Variants in EPHA6 observed in about 807,000 individuals in gnomAD.
EPHA6 encodes the protein ephrin type-A receptor 6.
A neutral mutation model predicts 112.0 loss-of-function variants in EPHA6; 50 were observed. That is an observed-to-expected ratio of 0.45 (90% CI 0.36 to 0.56). The LOEUF (loss-of-function observed/expected upper bound fraction) is 0.56, where lower values mean the gene tolerates loss of function less well. Among genes scored for constraint, EPHA6 ranks in the 20% least tolerant of loss-of-function variants. The pLI, the probability that EPHA6 is intolerant of heterozygous loss-of-function variation, is 0.00. For missense variants in EPHA6, 1,280 were observed against 1,417.4 expected (o/e 0.90, Z 1.56); for synonymous variants, 529 against 490.7 (o/e 1.08, Z -1.03).
intron 5 of EPHA6, among the ~76,000 whole-genome samples, chr3:97,356,066 G>A (rs777807508): frequency 2.0e-5 from 3 of 152,196 alleles, no homozygotes; most frequent in Admixed American, 6.5e-5. Context: ...ATTTACAGCT[G>A]CTCCCCATCA....
At chr3:97,167,158 A>G (rs188878160) in intron 3 of EPHA6, among the ~76,000 whole-genome samples, 25 of 152,304 alleles carry the variant, frequency 1.6e-4, no homozygotes, top group Middle Eastern at 3.4e-3. Flanking sequence ...GCAATACAGT[A>G]TATTATCTGT....
intron 14 of EPHA6, among the ~76,000 whole-genome samples, chr3:97,675,329 A>T (rs529604332): frequency 6.6e-6 from 1 of 151,960 alleles, no homozygotes; most frequent in African/African-American, 2.4e-5. Flanking sequence ...AAATACAAAA[A>T]ATTAGCCAGG....
intron 2 of EPHA6, among the ~76,000 whole-genome samples, chr3:96,890,732 G>C (rs2037906737): frequency 1.3e-5 from 2 of 152,194 alleles, no homozygotes; most frequent in South Asian, 4.1e-4. Context: ...CCACTAGTGA[G>C]TGTGAAAATT....
chr3:97,684,432 A>G (rs1454463321), intron 14 of EPHA6, among the ~76,000 whole-genome samples: 1 of 152,182 alleles, frequency 6.6e-6, no homozygotes, highest in Admixed American at 6.6e-5. Context: ...TGCTGACTCT[A>G]TGCTGATTGA....
At chr3:96,829,166 A>G (rs943454266) in intron 1 of EPHA6, among the ~76,000 whole-genome samples, 6 of 152,178 alleles carry the variant, frequency 3.9e-5, no homozygotes, top group African/African-American at 1.4e-4. Flanking sequence ...CTGTTTATCA[A>G]GAACTTTTGC....
At chr3:97,453,058 GT>G (rs1300204967) in intron 7 of EPHA6, among the ~76,000 whole-genome samples, 3 of 151,636 alleles carry the variant, frequency 2.0e-5, no homozygotes, top group African/African-American at 7.2e-5. Context: ...TAAAATTTTT[GT>G]TTTTATTTAA....
intron 14 of EPHA6, among the ~76,000 whole-genome samples, chr3:97,663,968 C>A (rs1266419828): frequency 6.6e-6 from 1 of 152,164 alleles, no homozygotes; most frequent in African/African-American, 2.4e-5. Flanking sequence ...AAAAGTGTTC[C>A]TATTTCTCCA....
intron 1 of EPHA6, among the ~76,000 whole-genome samples, chr3:96,842,493 C>T (rs187358445): frequency 9.9e-5 from 15 of 152,118 alleles, no homozygotes; most frequent in East Asian, 1.9e-4. Flanking sequence ...CGCTTCCCTC[C>T]GTAACCTCTA....
intron 5 of EPHA6, among the ~76,000 whole-genome samples, chr3:97,369,264 C>T (rs902102233): frequency 1.3e-5 from 2 of 152,100 alleles, no homozygotes; most frequent in African/African-American, 4.8e-5. Flanking sequence ...TGGGAAGTTA[C>T]ATTAACTCTT....
At chr3:96,900,079 A>AT (rs1466468171) in intron 2 of EPHA6, among the ~76,000 whole-genome samples, 3 of 152,182 alleles carry the variant, frequency 2.0e-5, no homozygotes, top group Non-Finnish European at 2.9e-5. Flanking sequence ...TGAAATGGGA[A>AT]TTATTATTAA....
chr3:96,908,152 C>G (rs1168896243), intron 2 of EPHA6, among the ~76,000 whole-genome samples: 1 of 151,920 alleles, frequency 6.6e-6, no homozygotes, highest in African/African-American at 2.4e-5. Flanking sequence ...ATGTGATATG[C>G]ACAATGTAAA....
At chr3:96,986,161 G>A (rs376405271) in intron 2 of EPHA6, among the ~76,000 whole-genome samples, 1 of 152,062 alleles carries the variant, frequency 6.6e-6, no homozygotes, top group African/African-American at 2.4e-5. Flanking sequence ...TTACAGTATA[G>A]AAGTATGCAA....
chr3:97,529,258 G>T (rs1455348187), intron 10 of EPHA6, among the ~76,000 whole-genome samples: 1 of 152,002 alleles, frequency 6.6e-6, no homozygotes, highest in Non-Finnish European at 1.5e-5. Context: ...TCCCTGTTAG[G>T]TACTTTACTT....
chr3:96,910,339 T>G (rs562545812), intron 2 of EPHA6, among the ~76,000 whole-genome samples: 1 of 152,222 alleles, frequency 6.6e-6, no homozygotes, highest in Admixed American at 6.6e-5. Context: ...ATGTTAGTCC[T>G]TGCCTGGCAG....
intron 10 of EPHA6, among the ~76,000 whole-genome samples, chr3:97,523,060 C>T (rs2092567857): frequency 6.6e-6 from 1 of 151,976 alleles, no homozygotes; most frequent in Admixed American, 6.6e-5. Context: ...TTATTTCCTT[C>T]CTTCTGCTAA....
intron 6 of EPHA6, among the ~76,000 whole-genome samples, chr3:97,447,451 A>T (rs1239822032): frequency 6.6e-6 from 1 of 152,166 alleles, no homozygotes; most frequent in Non-Finnish European, 1.5e-5. Context: ...TAGGGTTTTT[A>T]TGAGGATGGT....
chr3:97,233,216 C>T (rs1255063740), intron 4 of EPHA6, among the ~76,000 whole-genome samples: 1 of 151,528 alleles, frequency 6.6e-6, no homozygotes. Flanking sequence ...CTGTTCATGT[C>T]TGCCTAGCTG....
chr3:97,719,405 T>C (rs1244070232), intron 14 of EPHA6, among the ~76,000 whole-genome samples: 2 of 152,096 alleles, frequency 1.3e-5, no homozygotes, highest in Non-Finnish European at 2.9e-5. Flanking sequence ...CTAGTGGCGC[T>C]AGGGCTGCTT....
In EPHA6 at chr3:97,754,627, G is replaced by T. The variant is rs186256357; in HGVS notation, c.*5926G>T. Among the ~76,000 whole-genome samples, 1 of 152,214 alleles carries T rather than the reference G, an allele frequency of 6.6e-6. No homozygotes were observed. Among genetic ancestry groups the T allele is most frequent in the East Asian group, 1.9e-4 (1 of 5,198 alleles). ...CCTTTTAAAAAGGAATCTGTCAACT[G>T]CAAAGTTTGTATATCTCAGTGACAT... On this transcript the variant is annotated 3_prime_UTR_variant, in exon 18 of 18. Transcript: ENST00000389672.
Sources: allele counts gnomAD v4.1 joint callset (sites outside exome capture counted in the v4.1 genomes callset), GRCh38; gene constraint gnomAD v4.1.1; transcripts MANE v1.5; gene names NCBI Gene and HGNC (gene_info 2026-07-23, HGNC 2026-07-21).